Variants in RGS6 observed in about 807,000 individuals in gnomAD.
The protein encoded by RGS6 is regulator of G protein signaling 6.
RGS6 carries 30 observed loss-of-function variants against 78.5 expected under a neutral mutation model. The observed-to-expected ratio is 0.38, with a 90% CI of 0.29 to 0.52. RGS6 has a LOEUF of 0.52. RGS6 is among the 20% of genes least tolerant of loss of function. The pLI is 0.85. For missense variants in RGS6, 495 were observed against 609.7 expected (o/e 0.81, Z 1.98); for synonymous variants, 206 against 206.0 (o/e 1.00, Z 0.00).
intron 3 of RGS6, among the ~76,000 whole-genome samples, chr14:72,364,642 A>G (rs139211114): frequency 1.3e-5 from 2 of 152,378 alleles, no homozygotes; most frequent in African/African-American, 4.8e-5. Flanking sequence ...AGATGAAAGA[A>G]TAATGGACAT....
In RGS6 at chr14:72,400,026, C is replaced by A. The variant is rs374428022; in HGVS notation, c.184+47832C>A. On this transcript the variant is annotated intron_variant, in intron 3 of 17. Coordinates refer to ENST00000553525, the MANE Select transcript of RGS6 (RefSeq NM_001204424.2). ...AGGCAGGCCAACATTCAAATTCAGG[C>A]AATACAGAGAATGCCACAAAGATAC... 4.6e-5 allele frequency among the ~76,000 whole-genome samples: 7 copies of A among 152,060 alleles called. No homozygotes were observed. In the East Asian group the frequency reaches 7.7e-4, roughly 17 times the overall value.
Position 72,264,047 on chromosome 14 carries a change from G to A in RGS6, c.85-88048G>A, listed in dbSNP as rs562546590. The stretch of plus-strand genomic sequence containing the variant: ...AATCCATCTCATTAACATTTCTGCA[G>A]AGAAACACGTGAACATTCATACTAC... On this transcript the variant is annotated intron_variant, in intron 2 of 17. Coordinates refer to ENST00000553525, the MANE Select transcript of RGS6 (RefSeq NM_001204424.2). Among the ~76,000 whole-genome samples the A allele has an allele frequency of 3.9e-5, 6 of 152,290 alleles. No individual in the cohort carries two copies. The East Asian group carries it at 1.2e-3, about 29-fold the overall frequency.
intron 2 of RGS6, among the ~76,000 whole-genome samples, chr14:72,175,364 T>G (rs1002873802): frequency 3.3e-5 from 5 of 152,192 alleles, no homozygotes; most frequent in African/African-American, 1.2e-4. Flanking sequence ...GATACTAACG[T>G]TTCATAGCCT....
chr14:72,093,604 T>C (rs928869720), intron 2 of RGS6, among the ~76,000 whole-genome samples: 5 of 152,120 alleles, frequency 3.3e-5, no homozygotes, highest in South Asian at 2.1e-4. Context: ...TTTGCTTTTT[T>C]CCCCCCACAT....
chr14:72,184,447 A>C (rs566709249), intron 2 of RGS6, among the ~76,000 whole-genome samples: 3 of 151,458 alleles, frequency 2.0e-5, no homozygotes, highest in African/African-American at 7.3e-5. Context: ...AGCCCAACCC[A>C]ACAAACCACT....
intron 8 of RGS6, among the ~76,000 whole-genome samples, chr14:72,470,626 C>T (rs893974684): frequency 1.3e-5 from 2 of 150,098 alleles, no homozygotes; most frequent in Non-Finnish European, 3.0e-5. Flanking sequence ...GCCTGTAATC[C>T]CAGCACTTTG....
intron 3 of RGS6, among the ~76,000 whole-genome samples, chr14:72,409,832 C>A (rs557838549): frequency 6.6e-6 from 1 of 152,210 alleles, no homozygotes; most frequent in African/African-American, 2.4e-5. Context: ...TTTGTTCTTG[C>A]AATAGTTTGC....
At chr14:72,475,979 A>G (rs1324370820) in intron 10 of RGS6, among the ~76,000 whole-genome samples, 2 of 152,182 alleles carry the variant, frequency 1.3e-5, no homozygotes, top group Admixed American at 1.3e-4. Context: ...TTCATCTTCA[A>G]GAGCCCCATA....
intron 2 of RGS6, among the ~76,000 whole-genome samples, chr14:72,119,833 C>T (rs2096003367): frequency 6.6e-6 from 1 of 152,184 alleles, no homozygotes. Flanking sequence ...AGGAAGATTT[C>T]TAGAAGGATA....
At chr14:71,877,044 C>T in the RGS6 span, among the ~76,000 whole-genome samples, 21 of 152,300 alleles carry the variant, frequency 1.4e-4, no homozygotes, top group South Asian at 4.1e-4. Context: ...CCAAGAGGTC[C>T]GCTGTTAGTC....
At chr14:72,569,175 A>G (rs916400438), downstream of RGS6, among the ~76,000 whole-genome samples, 1 of 152,080 alleles carries the variant, frequency 6.6e-6, no homozygotes, top group African/African-American at 2.4e-5. Flanking sequence ...TAATTTACCT[A>G]CATTAAAATT....
chr14:72,180,313 G>T (rs1199938419), intron 2 of RGS6, among the ~76,000 whole-genome samples: 1 of 152,304 alleles, frequency 6.6e-6, no homozygotes, highest in East Asian at 1.9e-4. Flanking sequence ...CTAGACAAAG[G>T]CACCTCTCCA....
chr14:72,590,039 G>A, the RGS6 span, among the ~76,000 whole-genome samples: 2 of 152,212 alleles, frequency 1.3e-5, no homozygotes, highest in Non-Finnish European at 1.5e-5. Context: ...CACATGAAAA[G>A]ATGCTCAACA....
chr14:72,462,964 A>G (rs1483073656), intron 6 of RGS6, among the ~76,000 whole-genome samples: 1 of 152,258 alleles, frequency 6.6e-6, no homozygotes, highest in Non-Finnish European at 1.5e-5. Flanking sequence ...TTGCTAGTAA[A>G]GGCAGAAAGT....
chr14:72,072,316 T>TG (rs2094436568), intron 2 of RGS6, among the ~76,000 whole-genome samples: 1 of 151,436 alleles, frequency 6.6e-6, no homozygotes, highest in Admixed American at 6.6e-5. Flanking sequence ...TTTGTTTGTT[T>TG]TTTTTTTTTT....
intron 2 of RGS6, among the ~76,000 whole-genome samples, chr14:72,129,400 A>G (rs1320372585): frequency 6.6e-6 from 1 of 152,238 alleles, no homozygotes; most frequent in African/African-American, 2.4e-5. Context: ...ACAAACTGAA[A>G]TAAGTGTTGA....
intron 12 of RGS6, among the ~76,000 whole-genome samples, chr14:72,492,459 C>T (rs1272583615): frequency 6.6e-6 from 1 of 152,110 alleles, no homozygotes; most frequent in Non-Finnish European, 1.5e-5. Flanking sequence ...GAGCGAGTGA[C>T]CTTTCTAGGT....
rs1321642688 is a variant in RGS6, at chr14:71,952,217, C to T, written c.-20-12555C>T. On this transcript the variant is annotated intron_variant, in intron 1 of 17. Transcript: ENST00000553525. ...TTTCCAATCTCAGTGGGAAAGTTTT[C>T]CATGTTTTACTATTAAATATTATTA... Among the ~76,000 whole-genome samples the T allele has an allele frequency of 2.0e-5, 3 of 152,022 alleles. No individual in the cohort carries two copies. In the East Asian group the frequency reaches 5.8e-4, roughly 29 times the overall value.
chr14:72,006,503 A>G (rs534403247), intron 2 of RGS6, among the ~76,000 whole-genome samples: 33 of 152,358 alleles, frequency 2.2e-4, no homozygotes, highest in South Asian at 1.0e-3. Context: ...TAGGCAATGT[A>G]TGCAGAGAGG....
Sources: allele counts gnomAD v4.1 joint callset (sites outside exome capture counted in the v4.1 genomes callset), GRCh38; gene constraint gnomAD v4.1.1; transcripts MANE v1.5; gene names NCBI Gene and HGNC (gene_info 2026-07-23, HGNC 2026-07-21).